Variants in PRICKLE1 observed in about 807,000 individuals in gnomAD.
The protein encoded by PRICKLE1 is prickle planar cell polarity protein 1, also known as prickle-like protein 1.
Under a neutral mutation model 70.2 loss-of-function variants are expected in PRICKLE1, and 14 were observed. That is an observed-to-expected ratio of 0.20 (90% CI 0.13 to 0.31). The LOEUF (loss-of-function observed/expected upper bound fraction) is 0.31. Among genes scored for constraint, PRICKLE1 ranks in the 10% least tolerant of loss-of-function variants. The probability of loss-of-function intolerance (pLI) is 1.00; values close to 1 mark genes in which losing one functional copy is unlikely to be tolerated. For synonymous variants in PRICKLE1, 357 were observed against 379.9 expected (o/e 0.94, Z 0.70); for missense variants, 821 against 1,026.2 (o/e 0.80, Z 2.73).
chr12:42,461,803 A>G (rs758665726), intron 7 of PRICKLE1, among the ~76,000 whole-genome samples: 10 of 152,264 alleles, frequency 6.6e-5, no homozygotes, highest in Non-Finnish European at 1.0e-4. Context: ...ATAACTTCGT[A>G]CTTATTTTTT....
In PRICKLE1 at chr12:42,503,114, T is replaced by G. The variant is rs1171698425; in HGVS notation, c.-48-30550A>C. Among the ~76,000 whole-genome samples the G allele has an allele frequency of 2.0e-5, 3 of 152,160 alleles. No individual in the cohort carries two copies. In the East Asian group the frequency reaches 5.8e-4, roughly 29 times the overall value. ...TTGGACTTGTGGGGCAATCTGAATA[T>G]TTTCACCTAGGCCAAAGATAAGAGA... On this transcript the variant is annotated intron_variant, in intron 1 of 7. Transcript: ENST00000345127.
At chr12:42,490,598 A>AAG (rs1373797917) in intron 1 of PRICKLE1, among the ~76,000 whole-genome samples, 2 of 152,188 alleles carry the variant, frequency 1.3e-5, no homozygotes, top group Non-Finnish European at 2.9e-5. Context: ...AAGGGGAGAG[A>AAG]AGATAGTCGG....
chr12:42,527,948 T>C lies in PRICKLE1; in HGVS notation c.-48-55384A>G, dbSNP rs1385911856. On this transcript the variant is annotated intron_variant, in intron 1 of 7. Transcript: ENST00000345127. ...ATATATATATATATATATATATATA[T>C]ATATATATATATATATATATATATC... Among the ~76,000 whole-genome samples, 134 of 78,416 alleles carry C rather than the reference T, an allele frequency of 1.7e-3. 4 individuals are homozygous for C. The highest frequency in any genetic ancestry group is 2.3e-3 in the South Asian group (4 of 1,748). The allele number at this position is 78,416 out of a possible 152,430, so 51.4% of individuals were successfully genotyped here.
intron 1 of PRICKLE1, among the ~76,000 whole-genome samples, chr12:42,510,917 T>C (rs1299445575): frequency 6.6e-6 from 1 of 152,222 alleles, no homozygotes; most frequent in Non-Finnish European, 1.5e-5. Flanking sequence ...AAGGGTCAGT[T>C]TCACACCAGG....
chr12:42,563,535 TA>T (rs1026187630), intron 1 of PRICKLE1, among the ~76,000 whole-genome samples: 10 of 147,940 alleles, frequency 6.8e-5, no homozygotes, highest in Non-Finnish European at 7.5e-5. Flanking sequence ...CCGTCTCTAC[TA>T]AAAAAAAATA....
chr12:42,457,836 A>G lies in PRICKLE1; in HGVS notation c.*1973T>C, dbSNP rs1367168625. On this transcript the variant is annotated 3_prime_UTR_variant, in exon 8 of 8. Transcript: ENST00000345127. ...TTGAATGTCTGAAGGAGACACTAAA[A>G]CTGGGTAAGAGTGGTTACTTCTGGG... 2 of 152,234 alleles carry G rather than the reference A, an allele frequency of 1.3e-5. No homozygotes were observed. The highest frequency in any genetic ancestry group is 2.4e-5 in the African/African-American group (1 of 41,458). The allele number at this position is 152,234 out of a possible 1,614,324, so 9.4% of individuals were successfully genotyped here.
intron 1 of PRICKLE1, among the ~76,000 whole-genome samples, chr12:42,517,052 T>G (rs556412130): frequency 6.6e-6 from 1 of 152,326 alleles, no homozygotes; most frequent in South Asian, 2.1e-4. Context: ...CTTGAGCCTT[T>G]TGGAAGTTCT....
intron 1 of PRICKLE1, among the ~76,000 whole-genome samples, chr12:42,473,565 TAGC>T (rs1242715653): frequency 2.0e-5 from 3 of 152,176 alleles, no homozygotes; most frequent in African/African-American, 7.2e-5. Context: ...AAAATAATAA[TAGC>T]AGAACTTTCA....
chr12:42,516,061 G>C (rs1246904059), intron 1 of PRICKLE1, among the ~76,000 whole-genome samples: 2 of 151,912 alleles, frequency 1.3e-5, no homozygotes, highest in Non-Finnish European at 2.9e-5. Context: ...CATTTCTTTG[G>C]TGTTTTTACT....
At chr12:42,490,066 G>A (rs953617629) in intron 1 of PRICKLE1, 8 of 152,062 alleles carry the variant, frequency 5.3e-5, no homozygotes, top group African/African-American at 1.7e-4. Context: ...AAAAAAGTGA[G>A]GAAAATAAAT....
intron 1 of PRICKLE1, among the ~76,000 whole-genome samples, chr12:42,586,687 T>C (rs11181569): frequency 0.33 from 50,252 of 152,122 alleles, 8,893 homozygotes; most frequent in East Asian, 0.56. Flanking sequence ...ACTTAATTAC[T>C]GGAAAATACT....
At chr12:42,472,626 G>A (rs544425395) in intron 1 of PRICKLE1, 62 bp from the exon 2 acceptor site, 18 of 1,377,378 alleles carry the variant, frequency 1.3e-5, no homozygotes, top group East Asian at 2.3e-5. Context: ...TCTTACCCCC[G>A]ACCCAGAGCT....
Position 42,572,953 on chromosome 12 carries a change from C to G in PRICKLE1, c.-49+16512G>C, listed in dbSNP as rs994235722. Among the ~76,000 whole-genome samples the G allele has an allele frequency of 7.9e-5, 12 of 152,150 alleles. No homozygotes were observed. In the South Asian group the frequency reaches 1.5e-3, roughly 18 times the overall value. On this transcript the variant is annotated intron_variant, in intron 1 of 7. Transcript: ENST00000345127. ...TTAGTAGGTCACCCATGCAGAGCAT[C>G]GAACCCAAAGCACATAGATTTCCTT...
At chr12:42,499,475 C>T (rs1350130233) in intron 1 of PRICKLE1, among the ~76,000 whole-genome samples, 1 of 150,428 alleles carries the variant, frequency 6.6e-6, no homozygotes, top group African/African-American at 2.5e-5. Flanking sequence ...GGCTGGAGTG[C>T]AGTGGTACGA....
At chr12:42,541,367 G>T (rs1480632662) in intron 1 of PRICKLE1, among the ~76,000 whole-genome samples, 1 of 151,158 alleles carries the variant, frequency 6.6e-6, no homozygotes, top group Non-Finnish European at 1.5e-5. Context: ...TTGAGACAGG[G>T]TCTTGCTCTG....
At chr12:42,494,907 T>A (rs997097144) in intron 1 of PRICKLE1, among the ~76,000 whole-genome samples, 5 of 150,010 alleles carry the variant, frequency 3.3e-5, no homozygotes, top group South Asian at 2.1e-4. Context: ...TTTTTTTTTT[T>A]AATTTTTAAG....
At chr12:42,521,239 A>C (rs1010345760) in intron 1 of PRICKLE1, among the ~76,000 whole-genome samples, 1 of 152,174 alleles carries the variant, frequency 6.6e-6, no homozygotes, top group African/African-American at 2.4e-5. Flanking sequence ...TTTATATTTT[A>C]TTAATGTAAA....
chr12:42,528,964 C>G (rs574061010), intron 1 of PRICKLE1, among the ~76,000 whole-genome samples: 56 of 152,326 alleles, frequency 3.7e-4, no homozygotes, highest in African/African-American at 1.2e-3. Flanking sequence ...CTCTTTGCCT[C>G]TAAGCCACCA....
At chr12:42,530,913 TA>T (rs1169437367) in intron 1 of PRICKLE1, among the ~76,000 whole-genome samples, 1 of 151,412 alleles carries the variant, frequency 6.6e-6, no homozygotes, top group African/African-American at 2.4e-5. Context: ...TCAGGTGACC[TA>T]CCTGCTTCGG....
Sources: gnomAD v4.1 joint callset for allele counts (sites outside exome capture counted in the v4.1 genomes callset) on GRCh38, gnomAD v4.1.1 for gene constraint, MANE v1.5 for transcripts, NCBI Gene and HGNC (gene_info 2026-07-23, HGNC 2026-07-21) for gene names.